Variants in VSTM2A observed in about 807,000 individuals in gnomAD.
VSTM2A encodes V-set and transmembrane domain-containing protein 2A.
Under a neutral mutation model 27.3 loss-of-function variants are expected in VSTM2A, and 13 were observed. That is an observed-to-expected ratio of 0.48 (90% CI 0.31 to 0.76). The LOEUF (loss-of-function observed/expected upper bound fraction) is 0.76, where lower values mean the gene tolerates loss of function less well. Among genes scored for constraint, VSTM2A ranks in the 30% least tolerant of loss-of-function variants. The pLI is 0.05. For synonymous variants in VSTM2A, 142 were observed against 125.7 expected, an observed-to-expected ratio of 1.13 and a Z score of -0.87; for missense variants, 280 against 310.0, an observed-to-expected ratio of 0.90 and a Z score of 0.73.
rs139881874 is a variant in VSTM2A, at chr7:54,561,403, G to T, written c.635-7728G>T. Among the ~76,000 whole-genome samples, 14 of 152,012 alleles carry T rather than the reference G, an allele frequency of 9.2e-5. No individual in the cohort carries two copies. The East Asian group carries it at 1.2e-3, about 13-fold the overall frequency. On this transcript the variant is annotated intron_variant, in intron 4 of 4. Coordinates refer to ENST00000402613, the MANE Select transcript of VSTM2A (RefSeq NM_001301009.2). ...ACGTTTAAGAAAACAACTCCAGACT[G>T]CCTATGTAGCAATGGTCAGAAAAGA...
rs1296962328 is a variant in VSTM2A at position 54,542,512 on chromosome 7, G to C, written c.-219G>C. 1 of 560,184 alleles carries C rather than the reference G, an allele frequency of 1.8e-6. No individual in the cohort carries two copies. Among genetic ancestry groups the C allele is most frequent in the Non-Finnish European group, 3.1e-6 (1 of 318,786 alleles). 34.7% of individuals were successfully genotyped at this position (560,184 alleles called of 1,614,324 possible). A position where few individuals can be genotyped will look rare whatever the true frequency, so the allele number is the denominator to read the frequency against. On this transcript the variant is annotated 5_prime_UTR_variant, in exon 1 of 5. Coordinates refer to ENST00000402613, the MANE Select transcript of VSTM2A (RefSeq NM_001301009.2). ...GACACTTCCCAGCGATTCCAGCCTG[G>C]GCTCCGCAGGAAGCCTCGCTGAATC...
intron 4 of VSTM2A, among the ~76,000 whole-genome samples, chr7:54,564,571 C>T (rs918900229): frequency 8.5e-5 from 13 of 152,264 alleles, no homozygotes; most frequent in African/African-American, 2.6e-4. Context: ...TTAGTTTTCT[C>T]CACTCAGCGC....
intron 4 of VSTM2A, 166 bp from the exon 5 acceptor site, chr7:54,568,965 G>A (rs1395222040): frequency 6.4e-7 from 1 of 1,559,772 alleles, no homozygotes; most frequent in Non-Finnish European, 8.7e-7. Flanking sequence ...AAGGAGCGTT[G>A]GAAATCTTCA....
At chr7:54,555,265 C>G (rs1788318364) in intron 4 of VSTM2A, among the ~76,000 whole-genome samples, 1 of 152,212 alleles carries the variant, frequency 6.6e-6, no homozygotes, top group African/African-American at 2.4e-5. Context: ...CTTGTTTTAA[C>G]TCTAATACAA....
At chr7:54,563,082 T>C (rs771743460) in intron 4 of VSTM2A, among the ~76,000 whole-genome samples, 4 of 152,226 alleles carry the variant, frequency 2.6e-5, no homozygotes, top group Non-Finnish European at 5.9e-5. Context: ...AAGGTTTCTG[T>C]TTGTTTTTCC....
intron 2 of VSTM2A, 60 bp from the exon 3 acceptor site, chr7:54,546,887 G>GT (rs1788011897): frequency 1.3e-6 from 2 of 1,590,598 alleles, no homozygotes; most frequent in East Asian, 2.3e-5. Context: ...CTATGCTCGC[G>GT]TGGGAGCGGG....
At chr7:54,553,618 G>A (rs1366336941) in intron 4 of VSTM2A, among the ~76,000 whole-genome samples, 3 of 152,176 alleles carry the variant, frequency 2.0e-5, no homozygotes, top group African/African-American at 4.8e-5. Flanking sequence ...GAGTCAGGGA[G>A]GGCAACCTGG....
chr7:54,550,293 C>T (rs1286505628), intron 4 of VSTM2A, 123 bp downstream of exon 4: 4 of 1,495,912 alleles, frequency 2.7e-6, no homozygotes, highest in Non-Finnish European at 3.6e-6. Flanking sequence ...TAGTTCAGTG[C>T]AAGTGATTAT....
At chr7:54,555,028 A>T (rs1475229957) in intron 4 of VSTM2A, among the ~76,000 whole-genome samples, 1 of 152,230 alleles carries the variant, frequency 6.6e-6, no homozygotes, top group East Asian at 1.9e-4. Flanking sequence ...TCCTCCTATG[A>T]TCCCAAACTC....
intron 3 of VSTM2A, chr7:54,547,284 A>G (rs936197174): frequency 5.3e-6 from 2 of 375,470 alleles, no homozygotes; most frequent in African/African-American, 4.2e-5. Flanking sequence ...CAGTAAGAGT[A>G]AATACATTGC....
intron 4 of VSTM2A, among the ~76,000 whole-genome samples, chr7:54,566,127 G>C (rs1485477953): frequency 6.6e-6 from 1 of 152,138 alleles, no homozygotes; most frequent in Non-Finnish European, 1.5e-5. Context: ...CAAATGAAAG[G>C]CATCATGATT....
chr7:54,568,140 T>A (rs1788779388), intron 4 of VSTM2A, among the ~76,000 whole-genome samples: 1 of 152,242 alleles, frequency 6.6e-6, no homozygotes, highest in African/African-American at 2.4e-5. Flanking sequence ...GTTTACTAAA[T>A]GGCTACTTTG....
intron 4 of VSTM2A, among the ~76,000 whole-genome samples, chr7:54,555,142 T>A (rs1226309623): frequency 6.6e-6 from 1 of 152,232 alleles, no homozygotes; most frequent in Non-Finnish European, 1.5e-5. Context: ...ATTGTCTCCC[T>A]AAAACATCCT....
At chr7:54,555,034 A>G (rs573159537) in intron 4 of VSTM2A, among the ~76,000 whole-genome samples, 26 of 152,338 alleles carry the variant, frequency 1.7e-4, no homozygotes, top group African/African-American at 6.3e-4. Flanking sequence ...TATGATCCCA[A>G]ACTCTTTTAA....
chr7:54,553,958 C>A lies in VSTM2A; in HGVS notation c.634+3788C>A. On this transcript the variant is annotated intron_variant, in intron 4 of 4. Coordinates refer to ENST00000402613, the MANE Select transcript of VSTM2A (RefSeq NM_001301009.2). The stretch of plus-strand genomic sequence containing the variant: ...CTCTGTCTTCACTTTTTTCTACTGA[C>A]CCCCTTCCCACCTTCCCAACGTCAC... 3 of 1,552,268 alleles carry A rather than the reference C, an allele frequency of 1.9e-6. No homozygotes were observed. In the South Asian group the frequency reaches 3.6e-5, roughly 18 times the overall value.
chr7:54,570,011 C>A lies in VSTM2A; in HGVS notation c.*792C>A, dbSNP rs191122102. 6.6e-6 allele frequency: 1 copy of A among 152,056 alleles called. No homozygotes were observed. The highest frequency in any genetic ancestry group is 1.5e-5 in the Non-Finnish European group (1 of 67,998). The allele number at this position is 152,056 out of a possible 1,614,324, so 9.4% of individuals were successfully genotyped here. A position where few individuals can be genotyped will look rare whatever the true frequency, so the allele number is the denominator to read the frequency against. On this transcript the variant is annotated 3_prime_UTR_variant, in exon 5 of 5. Transcript: ENST00000402613. Reference sequence around the variant, plus strand: ...TTTTTCGTTGATAATTCATACACTGCGTGAATTTTGTAATTCATTGTTTCA... The same window carrying A: ...TTTTTCGTTGATAATTCATACACTGAGTGAATTTTGTAATTCATTGTTTCA...
intron 4 of VSTM2A, chr7:54,551,121 C>G (rs757773507): frequency 3.6e-5 from 5 of 140,348 alleles, no homozygotes; most frequent in African/African-American, 5.4e-5. Context: ...TCTGAGATCT[C>G]ATCTCATATC....
intron 3 of VSTM2A, among the ~76,000 whole-genome samples, chr7:54,548,656 C>T (rs1434213079): frequency 1.3e-5 from 2 of 152,050 alleles, no homozygotes; most frequent in Non-Finnish European, 2.9e-5. Flanking sequence ...GGAGATTTAA[C>T]CCAGAATAAA....
intron 4 of VSTM2A, among the ~76,000 whole-genome samples, chr7:54,566,454 G>A (rs772161426): frequency 2.0e-5 from 3 of 152,166 alleles, no homozygotes; most frequent in Non-Finnish European, 4.4e-5. Context: ...GCCTGGTAAA[G>A]AACCTAGCAA....
Sources: allele counts gnomAD v4.1 joint callset (sites outside exome capture counted in the v4.1 genomes callset), GRCh38; gene constraint gnomAD v4.1.1; transcripts MANE v1.5; gene names NCBI Gene and HGNC (gene_info 2026-07-23, HGNC 2026-07-21).